The following IKZF2 variants were observed in gnomAD, a reference collection of about 807,000 sequenced individuals.
The protein encoded by IKZF2 is zinc finger protein Helios.
A neutral mutation model predicts 49.2 loss-of-function variants in IKZF2; 15 were observed. The ratio of observed to expected loss-of-function variants is 0.30; its 90% CI spans 0.20 to 0.47. IKZF2 has a LOEUF of 0.47. Ranked by LOEUF, IKZF2 falls within the 20% of genes least tolerant of loss-of-function variation. IKZF2 has a pLI of 1.00. For synonymous variants in IKZF2, 227 were observed against 221.4 expected, an observed-to-expected ratio of 1.03 and a Z score of -0.23; for missense variants, 567 against 664.6, an observed-to-expected ratio of 0.85 and a Z score of 1.61.
intron 4 of IKZF2, among the ~76,000 whole-genome samples, chr2:213,127,496 A>G (rs2060305341): frequency 1.3e-5 from 2 of 152,214 alleles, no homozygotes; most frequent in African/African-American, 4.8e-5. Flanking sequence ...TGTCAGTTTC[A>G]CCTAGCAGTC....
intron 4 of IKZF2, among the ~76,000 whole-genome samples, chr2:213,112,452 AG>A (rs2059740043): frequency 6.6e-6 from 1 of 150,562 alleles, no homozygotes; most frequent in Admixed American, 6.6e-5. Context: ...ACATAATCAT[AG>A]TTCTTTCCTT....
intron 6 of IKZF2, among the ~76,000 whole-genome samples, chr2:213,030,671 A>C (rs1054874372): frequency 6.6e-6 from 1 of 152,180 alleles, no homozygotes; most frequent in African/African-American, 2.4e-5. Context: ...ACGTTTTCCA[A>C]AAAAACTAAA....
rs1179159874 is a variant in IKZF2, at chr2:213,013,909, T to G, written c.738A>C (p.Glu246Asp). 7 of 1,611,546 alleles carry G rather than the reference T, an allele frequency of 4.3e-6. No individual in the cohort carries two copies. The highest frequency in any genetic ancestry group is 5.9e-6 in the Non-Finnish European group (7 of 1,178,188). Residue 246 changes from glutamate (E) to aspartate (D), a missense_variant, in exon 8 of 9, where the codon GAA becomes GAC. By Grantham distance (45) the Glu-to-Asp change is conservative (BLOSUM62 2). Transcript: ENST00000434687. The stretch of plus-strand genomic sequence containing the variant: ...TATTGTTGTCCATAATAGGCTCTTG[T>G]TCCTTACAATCTTCCATAGGAGGTA... Reference protein sequence around the residue: ...HHVPPMEDCKEQEPIMDNNIS... With the variant: ...HHVPPMEDCKDQEPIMDNNIS...
At chr2:213,096,840 G>A (rs1025819444) in intron 4 of IKZF2, among the ~76,000 whole-genome samples, 6 of 151,992 alleles carry the variant, frequency 3.9e-5, no homozygotes, top group African/African-American at 1.4e-4. Context: ...CATTACCAAT[G>A]TAATGCTATC....
At chr2:213,041,886 AAAACAAAC>A (rs769309356) in intron 6 of IKZF2, among the ~76,000 whole-genome samples, 8 of 152,128 alleles carry the variant, frequency 5.3e-5, no homozygotes, top group East Asian at 1.9e-4. Context: ...GCAAAATACT[AAAACAAAC>A]AAACAAACAA....
rs146520701 is a variant in IKZF2 at position 213,148,601 on chromosome 2, A to G, written c.29T>C (p.Ile10Thr). 15 of 1,610,662 alleles carry G rather than the reference A, an allele frequency of 9.3e-6. No homozygotes were observed. The highest frequency in any genetic ancestry group is 1.7e-4 in the Middle Eastern group (1 of 6,048). ...CAATGAAAACTAATACTTACACGTT[A>G]TATAGCCATCAATAGCCTCTGTTTC... is the stretch of plus-strand genomic sequence containing the variant. The part of the protein sequence containing the change: METEAIDGY[I>T]TCDNELSPER... The change falls in exon 3 of 9, where the codon ATA (isoleucine) becomes ACA (threonine). Residue 10 changes from isoleucine (I) to threonine (T), a missense_variant. By Grantham distance (89) the Ile-to-Thr change is moderately conservative. Around this residue, in one of 5 missense-constraint regions of IKZF2, gnomAD observed 156 missense variants for 138.5 expected, o/e 1.13. Coordinates refer to ENST00000434687, the MANE Select transcript of IKZF2 (RefSeq NM_001387220.1).
rs1695018138 is a variant in IKZF2, at chr2:213,002,789, C to G, written c.*4571G>C. The G allele has an allele frequency of 6.6e-6, 1 of 151,906 alleles. No individual in the cohort carries two copies. Among genetic ancestry groups the G allele is most frequent in the South Asian group, 2.1e-4 (1 of 4,826 alleles). The allele number at this position is 151,906 out of a possible 1,614,324, so 9.4% of individuals were successfully genotyped here. ...TACAGATTCCAAGACTAGAACAATA[C>G]TAGTCTGGAGATGAAAATCCAAATG... On this transcript the variant is annotated 3_prime_UTR_variant, in exon 9 of 9. Coordinates refer to ENST00000434687, the MANE Select transcript of IKZF2 (RefSeq NM_001387220.1).
intron 6 of IKZF2, 94 bp from the exon 7 acceptor site, chr2:213,022,224 C>T: frequency 4.1e-6 from 5 of 1,217,350 alleles, no homozygotes; most frequent in Non-Finnish European, 5.5e-6. Context: ...AGGAAGCACT[C>T]ATATAATTTT....
intron 4 of IKZF2, among the ~76,000 whole-genome samples, chr2:213,099,407 CAA>C (rs1473737203): frequency 6.6e-6 from 1 of 152,104 alleles, no homozygotes; most frequent in Non-Finnish European, 1.5e-5. Context: ...TAAGCTGTAT[CAA>C]GTGTAACTTG....
chr2:213,042,635 A>G (rs904083737), intron 6 of IKZF2, among the ~76,000 whole-genome samples: 4 of 152,250 alleles, frequency 2.6e-5, no homozygotes, highest in African/African-American at 9.6e-5. Flanking sequence ...ATATTTCTAA[A>G]GAAGTGAATG....
chr2:213,136,647 T>C (rs1016760330), intron 4 of IKZF2, among the ~76,000 whole-genome samples: 2 of 152,110 alleles, frequency 1.3e-5, no homozygotes, highest in African/African-American at 4.8e-5. Flanking sequence ...TTTTAGAGGA[T>C]GGTTGACTGA....
chr2:213,055,824 G>A (rs187115282), intron 5 of IKZF2, among the ~76,000 whole-genome samples: 79 of 152,084 alleles, frequency 5.2e-4, no homozygotes, highest in Non-Finnish European at 7.1e-4. Flanking sequence ...TTTTAAGCAC[G>A]TAATTGTTAA....
intron 4 of IKZF2, among the ~76,000 whole-genome samples, chr2:213,102,752 T>C (rs1353013200): frequency 6.6e-6 from 1 of 152,118 alleles, no homozygotes; most frequent in Non-Finnish European, 1.5e-5. Flanking sequence ...TCTATTCTTC[T>C]TGTCATATTT....
chr2:213,133,703 AAAATAAAT>A (rs145388709), intron 4 of IKZF2, among the ~76,000 whole-genome samples: 14 of 145,480 alleles, frequency 9.6e-5, no homozygotes, highest in South Asian at 4.4e-4. Flanking sequence ...CCGTCTCGAA[AAAATAAAT>A]AAATAAATAA....
At chr2:213,096,635 CAAT>C (rs1039253496) in intron 4 of IKZF2, among the ~76,000 whole-genome samples, 3 of 151,834 alleles carry the variant, frequency 2.0e-5, no homozygotes, top group African/African-American at 7.2e-5. Context: ...AAGTAATTTC[CAAT>C]AATAATACTC....
chr2:213,089,349 A>T (rs959408031), intron 4 of IKZF2, among the ~76,000 whole-genome samples: 5 of 152,094 alleles, frequency 3.3e-5, no homozygotes, highest in Admixed American at 6.6e-5. Flanking sequence ...AGACCTTCTC[A>T]CTTCAGCTCA....
intron 4 of IKZF2, among the ~76,000 whole-genome samples, chr2:213,100,617 T>C (rs1469178528): frequency 6.6e-6 from 1 of 152,008 alleles, no homozygotes; most frequent in African/African-American, 2.4e-5. Flanking sequence ...AGCATTACCG[T>C]GCAATAGTCA....
intron 6 of IKZF2, among the ~76,000 whole-genome samples, chr2:213,042,351 G>C (rs1699746669): frequency 6.6e-6 from 1 of 152,136 alleles, no homozygotes. Context: ...TAATGAACCT[G>C]CCTCTCCATT....
intron 4 of IKZF2, among the ~76,000 whole-genome samples, chr2:213,067,494 GATAATATACA>G (rs1559230140): frequency 2.0e-5 from 3 of 152,078 alleles, no homozygotes; most frequent in African/African-American, 7.2e-5. Context: ...ACACTCAATG[GATAATATACA>G]ATAGAACATA....
Sources: allele counts gnomAD v4.1 joint callset (sites outside exome capture counted in the v4.1 genomes callset), GRCh38; gene constraint gnomAD v4.1.1; regional missense constraint gnomAD v4.1.1; transcripts MANE v1.5; gene names NCBI Gene and HGNC (gene_info 2026-07-23, HGNC 2026-07-21).